The following PDE4D variants were observed in gnomAD, a reference collection of about 807,000 sequenced individuals.
PDE4D encodes 3',5'-cyclic-AMP phosphodiesterase 4D.
In PDE4D, 24 loss-of-function variants were observed where a neutral mutation model predicts 87.4. The observed-to-expected ratio is 0.27, with a 90% confidence interval of 0.20 to 0.39. The LOEUF (loss-of-function observed/expected upper bound fraction) is 0.39, where lower values mean the gene tolerates loss of function less well. Among genes scored for constraint, PDE4D ranks in the 10% least tolerant of loss-of-function variants. The pLI, the probability that PDE4D is intolerant of heterozygous loss-of-function variation, is 1.00. For synonymous variants in PDE4D, 384 were observed against 383.2 expected (o/e 1.00, Z -0.02); for missense variants, 714 against 1,041.0 (o/e 0.69, Z 4.32).
intron 5 of PDE4D, among the ~76,000 whole-genome samples, chr5:59,139,494 T>C (rs1391415064): frequency 6.6e-6 from 1 of 152,168 alleles, no homozygotes; most frequent in Admixed American, 6.5e-5. Flanking sequence ...ATGATCATAA[T>C]TGGATTTTAT....
intron 1 of PDE4D, among the ~76,000 whole-genome samples, chr5:59,779,708 T>C (rs1764417440): frequency 6.6e-6 from 1 of 152,232 alleles, no homozygotes; most frequent in African/African-American, 2.4e-5. Flanking sequence ...TTCAATAGTA[T>C]GGTTATTTCA....
intron 2 of PDE4D, among the ~76,000 whole-genome samples, chr5:60,091,702 A>G (rs1487164802): frequency 6.6e-6 from 1 of 152,198 alleles, no homozygotes; most frequent in Non-Finnish European, 1.5e-5. Context: ...TTACAGCACT[A>G]TCCACAATAG....
intron 1 of PDE4D, among the ~76,000 whole-genome samples, chr5:59,521,111 A>T (rs945843644): frequency 5.4e-5 from 4 of 73,956 alleles, no homozygotes; most frequent in South Asian, 3.3e-4. Context: ...GGAGATCACT[A>T]AAAAAAAAAA....
intron 6 of PDE4D, among the ~76,000 whole-genome samples, chr5:59,011,036 G>C (rs955616180): frequency 6.6e-6 from 1 of 152,154 alleles, no homozygotes; most frequent in Non-Finnish European, 1.5e-5. Flanking sequence ...ACAGGGTCTG[G>C]AGTGGACCTC....
At chr5:59,221,766 G>A (rs980009512) in intron 1 of PDE4D, among the ~76,000 whole-genome samples, 1 of 152,168 alleles carries the variant, frequency 6.6e-6, no homozygotes, top group African/African-American at 2.4e-5. Context: ...TATAGCATTT[G>A]AGATTTCATT....
chr5:59,733,133 G>T (rs984044803), intron 1 of PDE4D, among the ~76,000 whole-genome samples: 4 of 152,104 alleles, frequency 2.6e-5, no homozygotes, highest in African/African-American at 7.2e-5. Flanking sequence ...GGATGAAAAG[G>T]TCAGCTCCAC....
chr5:59,457,119 A>G (rs1800040710), intron 1 of PDE4D, among the ~76,000 whole-genome samples: 2 of 152,240 alleles, frequency 1.3e-5, no homozygotes, highest in Admixed American at 1.3e-4. Flanking sequence ...AATCCTATCA[A>G]ACAGTATATT....
intron 1 of PDE4D, among the ~76,000 whole-genome samples, chr5:59,873,175 C>T (rs187261565): frequency 3.3e-5 from 5 of 152,202 alleles, no homozygotes; most frequent in South Asian, 4.2e-4. Context: ...TTCTCTAGTT[C>T]GTGGTTTCAA....
chr5:60,010,273 G>A (rs909825871), intron 2 of PDE4D, among the ~76,000 whole-genome samples: 11 of 152,084 alleles, frequency 7.2e-5, no homozygotes, highest in East Asian at 1.9e-4. Flanking sequence ...AGTGCCCACC[G>A]CATGCAGTAA....
At chr5:60,483,014 A>T (rs1263783537) in intron 1 of PDE4D, among the ~76,000 whole-genome samples, 1 of 152,232 alleles carries the variant, frequency 6.6e-6, no homozygotes, top group Non-Finnish European at 1.5e-5. Context: ...CAGGTACTCT[A>T]GGTTCCTGTC....
chr5:60,235,896 T>C (rs1349331432), intron 1 of PDE4D, among the ~76,000 whole-genome samples: 2 of 151,926 alleles, frequency 1.3e-5, no homozygotes, highest in African/African-American at 4.8e-5. Flanking sequence ...GTTTATTGTA[T>C]TTCCTCTTTT....
intron 1 of PDE4D, among the ~76,000 whole-genome samples, chr5:59,266,113 C>G (rs1381797038): frequency 6.6e-6 from 1 of 151,872 alleles, no homozygotes; most frequent in Non-Finnish European, 1.5e-5. Context: ...AAATATTTCT[C>G]CAGCCAGGCA....
intron 1 of PDE4D, chr5:60,429,950 G>C: frequency 2.0e-6 from 1 of 510,866 alleles, no homozygotes; most frequent in Non-Finnish European, 3.9e-6. Context: ...GTGGTAACAG[G>C]TACGTAGGCA....
At chr5:59,430,743 T>C (rs1225759312) in intron 1 of PDE4D, 1 of 199,842 alleles carries the variant, frequency 5.0e-6, no homozygotes, top group Non-Finnish European at 1.0e-5. Context: ...AATCTCTGAG[T>C]AGGCAGCAAG....
chr5:59,717,120 A>G (rs1755144911), intron 1 of PDE4D, among the ~76,000 whole-genome samples: 3 of 152,182 alleles, frequency 2.0e-5, no homozygotes, highest in Admixed American at 6.5e-5. Flanking sequence ...TGACTAGAAG[A>G]AAATGTTCTC....
At chr5:59,671,297 C>G (rs992238733) in intron 1 of PDE4D, among the ~76,000 whole-genome samples, 1 of 151,778 alleles carries the variant, frequency 6.6e-6, no homozygotes, top group Non-Finnish European at 1.5e-5. Flanking sequence ...GCAGGCAGAT[C>G]GCCATTTGAA....
At chr5:59,568,780 G>A (rs73758806) in intron 1 of PDE4D, among the ~76,000 whole-genome samples, 135 of 152,150 alleles carry the variant, frequency 8.9e-4, no homozygotes, top group African/African-American at 3.2e-3. Context: ...AAATTCTATA[G>A]CAAAGATAAA....
intron 1 of PDE4D, among the ~76,000 whole-genome samples, chr5:59,553,971 G>A (rs1818505292): frequency 6.6e-6 from 1 of 151,998 alleles, no homozygotes; most frequent in Non-Finnish European, 1.5e-5. Context: ...TTGAGCTCTG[G>A]CCACATACCT....
chr5:59,265,561 A>G (rs576430592), intron 1 of PDE4D, among the ~76,000 whole-genome samples: 6 of 152,240 alleles, frequency 3.9e-5, no homozygotes, highest in Non-Finnish European at 7.4e-5. Context: ...TCAAAAATGC[A>G]TAATATAAGC....
Sources: allele counts gnomAD v4.1 joint callset (sites outside exome capture counted in the v4.1 genomes callset), GRCh38; gene constraint gnomAD v4.1.1; transcripts MANE v1.5; gene names NCBI Gene and HGNC (gene_info 2026-07-23, HGNC 2026-07-21).